Variants in PINX1 observed in about 807,000 individuals in gnomAD.
PINX1 encodes the protein PIN2/TERF1-interacting telomerase inhibitor 1.
Under a neutral mutation model 25.4 loss-of-function variants are expected in PINX1, and 34 were observed. The ratio of observed to expected loss-of-function variants is 1.34; its 90% confidence interval spans 1.02 to 1.78. The LOEUF (loss-of-function observed/expected upper bound fraction) is 1.78, where lower values mean the gene tolerates loss of function less well. Among genes scored for constraint, PINX1 ranks in the 40% most tolerant of loss-of-function variants. The probability of loss-of-function intolerance (pLI) is 0.00; values close to 1 mark genes in which losing one functional copy is unlikely to be tolerated. For synonymous variants in PINX1, 197 were observed against 147.7 expected (o/e 1.33, Z -2.42); for missense variants, 592 against 404.9 (o/e 1.46, Z -3.97).
chr8:10,826,012 C>A, intron 5 of PINX1, 140 bp downstream of exon 5: 1 of 591,172 alleles, frequency 1.7e-6, no homozygotes, highest in Non-Finnish European at 3.0e-6. Context: ...AATGCGAAGA[C>A]TCCAGCGCTG....
intron 6 of PINX1, among the ~76,000 whole-genome samples, chr8:10,776,593 C>T (rs562115558): frequency 1.3e-5 from 2 of 152,220 alleles, no homozygotes; most frequent in East Asian, 1.9e-4. Context: ...AATGGTAACA[C>T]AGAATCAAAA....
At chr8:10,839,604 CGG>C in intron 1 of PINX1, 132 bp downstream of exon 1, 2 of 882,688 alleles carry the variant, frequency 2.3e-6, no homozygotes, top group Non-Finnish European at 3.6e-6. Context: ...GAGCCGGGCT[CGG>C]CTCCCCGGTC....
chr8:10,774,284 CTT>C (rs537602535), intron 6 of PINX1, among the ~76,000 whole-genome samples: 15 of 144,418 alleles, frequency 1.0e-4, no homozygotes, highest in South Asian at 2.2e-4. Context: ...AGAATAAGGT[CTT>C]TTTTTTTTTT....
At chr8:10,806,991 T>C (rs1354969302) in intron 6 of PINX1, among the ~76,000 whole-genome samples, 1 of 152,160 alleles carries the variant, frequency 6.6e-6, no homozygotes, top group East Asian at 1.9e-4. Context: ...AGCTTCCAAA[T>C]GGCTCTTCAT....
chr8:10,801,916 A>G (rs1395580179), intron 6 of PINX1, among the ~76,000 whole-genome samples: 2 of 152,192 alleles, frequency 1.3e-5, no homozygotes, highest in East Asian at 1.9e-4. Flanking sequence ...GGAAGTGTCA[A>G]GGAAAACATG....
intron 6 of PINX1, among the ~76,000 whole-genome samples, chr8:10,775,423 T>G (rs796610422): frequency 0.13 from 18,015 of 137,064 alleles, 1,511 homozygotes; most frequent in African/African-American, 0.26. Flanking sequence ...TTTTTTTTTT[T>G]TTTTTTTTTT....
intron 5 of PINX1, among the ~76,000 whole-genome samples, chr8:10,824,049 C>G (rs1586198793): frequency 6.6e-6 from 1 of 152,006 alleles, no homozygotes; most frequent in South Asian, 2.1e-4. Flanking sequence ...ATCAGCATAC[C>G]CACTGGCGAA....
At chr8:10,796,314 G>T (rs1307445958) in intron 6 of PINX1, among the ~76,000 whole-genome samples, 3 of 152,098 alleles carry the variant, frequency 2.0e-5, no homozygotes, top group Non-Finnish European at 4.4e-5. Context: ...GATCCCCGGG[G>T]GGAAATGGAC....
intron 6 of PINX1, among the ~76,000 whole-genome samples, chr8:10,790,278 A>T (rs1801882096): frequency 6.6e-6 from 1 of 152,188 alleles, no homozygotes; most frequent in South Asian, 2.1e-4. Context: ...AGAACAAAAG[A>T]GGCTTTTCAG....
rs1289545804 is a variant in PINX1, at chr8:10,769,373, G to C, written c.472-3457C>G. On this transcript the variant is annotated intron_variant, in intron 6 of 6. Coordinates refer to ENST00000314787, the MANE Select transcript of PINX1 (RefSeq NM_017884.6). ...CAGCGCTAATGAGTGCATCACATGT[G>C]TCAAAAACATTTGATGACTGACTTT... Among the ~76,000 whole-genome samples, 4 of 152,186 alleles carry C rather than the reference G, an allele frequency of 2.6e-5. No individual in the cohort carries two copies. The East Asian group carries it at 5.8e-4, about 22-fold the overall frequency.
intron 6 of PINX1, among the ~76,000 whole-genome samples, chr8:10,814,857 A>C (rs1043023450): frequency 1.1e-4 from 16 of 152,336 alleles, no homozygotes; most frequent in African/African-American, 3.6e-4. Flanking sequence ...AATGAGAACA[A>C]AAATCCTCTC....
intron 6 of PINX1, among the ~76,000 whole-genome samples, chr8:10,769,595 G>C (rs554597300): frequency 1.3e-5 from 2 of 152,200 alleles, no homozygotes; most frequent in Non-Finnish European, 2.9e-5. Flanking sequence ...GAGGAAGGCA[G>C]CTATCACCAC....
chr8:10,820,859 T>C (rs1163445099), intron 5 of PINX1, among the ~76,000 whole-genome samples: 2 of 152,244 alleles, frequency 1.3e-5, no homozygotes, highest in Non-Finnish European at 2.9e-5. Context: ...CTTCTTAAAA[T>C]GTTCTTTACT....
intron 6 of PINX1, among the ~76,000 whole-genome samples, chr8:10,791,165 G>C (rs1184935176): frequency 6.6e-6 from 1 of 152,166 alleles, no homozygotes; most frequent in African/African-American, 2.4e-5. Flanking sequence ...GCCTGCCTCA[G>C]CCTTCCAAAG....
At chr8:10,810,841 TG>T (rs1343825819) in intron 6 of PINX1, among the ~76,000 whole-genome samples, 3 of 152,252 alleles carry the variant, frequency 2.0e-5, no homozygotes, top group African/African-American at 7.2e-5. Flanking sequence ...ACTGCTGTAA[TG>T]GCAAAATGGC....
chr8:10,778,061 C>T (rs1801450395), intron 6 of PINX1, among the ~76,000 whole-genome samples: 1 of 152,116 alleles, frequency 6.6e-6, no homozygotes, highest in South Asian at 2.1e-4. Flanking sequence ...GCTTTGTTCT[C>T]CAACAAATAA....
intron 6 of PINX1, among the ~76,000 whole-genome samples, chr8:10,813,040 T>C (rs6601529): frequency 0.64 from 96,717 of 152,146 alleles, 31,880 homozygotes; most frequent in African/African-American, 0.8. Flanking sequence ...CAGCTCACAG[T>C]GATCATTTTG....
intron 1 of PINX1, among the ~76,000 whole-genome samples, chr8:10,838,356 G>C (rs1388899044): frequency 6.6e-6 from 1 of 152,202 alleles, no homozygotes; most frequent in Non-Finnish European, 1.5e-5. Flanking sequence ...ACGTTGGGAA[G>C]AGGAGAACTG....
At chr8:10,766,364 G>A (rs571613633) in intron 6 of PINX1, among the ~76,000 whole-genome samples, 120 of 152,288 alleles carry the variant, frequency 7.9e-4, no homozygotes, top group Non-Finnish European at 1.2e-3. Context: ...GGGTTACATG[G>A]GCCCCTGTGT....
Sources: gnomAD v4.1 joint callset for allele counts (sites outside exome capture counted in the v4.1 genomes callset) on GRCh38, gnomAD v4.1.1 for gene constraint, MANE v1.5 for transcripts, NCBI Gene and HGNC (gene_info 2026-07-23, HGNC 2026-07-21) for gene names.